ANO7: variants seen among roughly 807,000 people sequenced by gnomAD.
ANO7 encodes the protein anoctamin 7.
A neutral mutation model predicts 115.8 loss-of-function variants in ANO7; 114 were observed. That is an observed-to-expected ratio of 0.98 (90% CI 0.85 to 1.15). ANO7 has a LOEUF of 1.15. Ranked by LOEUF, ANO7 falls within the 50% of genes most tolerant of loss-of-function variation. The pLI, the probability that ANO7 is intolerant of heterozygous loss-of-function variation, is 0.00. For missense variants in ANO7, 1,302 were observed against 1,201.2 expected, an observed-to-expected ratio of 1.08 and a Z score of -1.24; for synonymous variants, 550 against 498.2, an observed-to-expected ratio of 1.10 and a Z score of -1.38.
intron 5 of ANO7, 143 bp from the exon 6 acceptor site, chr2:241,199,946 C>T: frequency 2.1e-6 from 2 of 956,980 alleles, no homozygotes; most frequent in Non-Finnish European, 3.0e-6. Context: ...CACCTGGGCC[C>T]TCACAGGGTC....
At chr2:241,233,081 C>G in the ANO7 span, among the ~76,000 whole-genome samples, 1 of 152,136 alleles carries the variant, frequency 6.6e-6, no homozygotes, top group African/African-American at 2.4e-5. The surrounding 1 kb of genome is among the most constrained non-coding windows in gnomAD (Gnocchi z 4.3). Context: ...AGGGGGTTTG[C>G]TGTTTCTGGA....
chr2:241,227,616 T>C (rs1019143419), downstream of ANO7: 3 of 152,668 alleles, frequency 2.0e-5, no homozygotes, highest in Admixed American at 2.0e-4. Flanking sequence ...GGCTCGCGTC[T>C]AAGACATCAA....
chr2:241,212,088 C>A lies in ANO7; in HGVS notation c.1562-6C>A. On this transcript the variant is annotated splice_region_variant and splice_polypyrimidine_tract_variant and intron_variant, in intron 15 of 24. Coordinates refer to ENST00000674324, the MANE Select transcript of ANO7 (RefSeq NM_001370694.2). ...AGGGACTGAGCCCAGGCTCTCCATGCCACAGAAATGCACCGCACCCAGACC... is the reference window on the plus strand; with the variant it reads ...AGGGACTGAGCCCAGGCTCTCCATGACACAGAAATGCACCGCACCCAGACC... 6.2e-7 allele frequency: 1 copy of A among 1,613,392 alleles called. No homozygotes were observed. Among genetic ancestry groups the A allele is most frequent in the Non-Finnish European group, 8.5e-7 (1 of 1,179,472 alleles).
chr2:241,212,588 G>A lies in ANO7; in HGVS notation c.1690G>A (p.Gly564Ser). Residue 564 changes from glycine to serine, a missense_variant, in exon 17 of 25, where the codon GGC becomes AGC. Coordinates refer to ENST00000674324, the MANE Select transcript of ANO7 (RefSeq NM_001370694.2). ...TTCTCCTAGGTTTGTGGGATACCCAGGCAACTACCACACCTTGTTTGGAGT... is the reference window on the plus strand; with the variant it reads ...TTCTCCTAGGTTTGTGGGATACCCAAGCAACTACCACACCTTGTTTGGAGT... ...FFKGRFVGYP[G>S]NYHTLFGVRN... 1 of 1,613,486 alleles carries A rather than the reference G, an allele frequency of 6.2e-7. No individual in the cohort carries two copies. The highest frequency in any genetic ancestry group is 8.5e-7 in the Non-Finnish European group (1 of 1,179,758).
intron 17 of ANO7, chr2:241,212,839 CA>C (rs1316475133): frequency 9.0e-6 from 5 of 556,576 alleles, no homozygotes; most frequent in Non-Finnish European, 1.6e-5. Context: ...AGAACCACAC[CA>C]AAACACTCCA....
intron 17 of ANO7, 116 bp from the exon 18 acceptor site, chr2:241,214,689 A>C: frequency 1.1e-6 from 1 of 871,616 alleles, no homozygotes; most frequent in Non-Finnish European, 1.8e-6. Context: ...CAGGTGCCCA[A>C]GGCATGTCAG....
chr2:241,203,255 C>CT lies in ANO7; in HGVS notation c.724-77dup. The CT allele has an allele frequency of 1.4e-5, 17 of 1,240,646 alleles. No individual in the cohort carries two copies. The South Asian group carries it at 2.0e-4, about 15-fold the overall frequency. The allele number at this position is 1,240,646 out of a possible 1,614,324, so 76.9% of individuals were successfully genotyped here. ...CAGGCCTGTCTGCCCATGTCCCACACTGAAGCCCCTGCACCTACAACAGTG... is the reference window on the plus strand; with the variant it reads ...CAGGCCTGTCTGCCCATGTCCCACACTTGAAGCCCCTGCACCTACAACAGTG... On this transcript the variant is annotated intron_variant, in intron 8 of 24. Coordinates refer to ENST00000674324, the MANE Select transcript of ANO7 (RefSeq NM_001370694.2). This position sits in a 1 kb window ranked among gnomAD's most constrained non-coding sequence, Gnocchi z 4.8.
the ANO7 span, chr2:241,235,216 T>C: frequency 1.9e-6 from 3 of 1,614,176 alleles, no homozygotes; most frequent in Non-Finnish European, 2.5e-6. Context: ...ATGGCGATGA[T>C]GTCAGACTGC....
At chr2:241,233,714 C>G in the ANO7 span, 1 of 1,267,802 alleles carries the variant, frequency 7.9e-7, no homozygotes, top group Admixed American at 1.9e-5. The surrounding 1 kb of genome is among the most constrained non-coding windows in gnomAD (Gnocchi z 4.3). Context: ...CCACTCTCAA[C>G]TTGGCCCTCG....
intron 1 of ANO7, among the ~76,000 whole-genome samples, chr2:241,189,566 G>A (rs924437799): frequency 1.5e-4 from 23 of 152,152 alleles, no homozygotes; most frequent in African/African-American, 3.1e-4. Flanking sequence ...CATCAGGCCC[G>A]CCTTGCTGGG....
the ANO7 span, chr2:241,236,424 G>A: frequency 1.6e-6 from 1 of 618,526 alleles, no homozygotes; most frequent in Non-Finnish European, 2.8e-6. Flanking sequence ...CCTTGGTGAA[G>A]GGAAGTGGCC....
the ANO7 span, chr2:241,239,475 C>G: frequency 1.4e-6 from 1 of 729,080 alleles, no homozygotes; most frequent in Non-Finnish European, 2.3e-6. This position sits in a 1 kb window ranked among gnomAD's most constrained non-coding sequence, Gnocchi z 4.6. Flanking sequence ...CAGAAAGCCC[C>G]TTCTGAAGCC....
chr2:241,228,856 A>G (rs1030901774), downstream of ANO7: 3 of 152,852 alleles, frequency 2.0e-5, no homozygotes, highest in African/African-American at 4.8e-5. Flanking sequence ...CACAGCAGAC[A>G]CTGTGACGGC....
intron 4 of ANO7, among the ~76,000 whole-genome samples, chr2:241,196,668 G>A (rs1001732525): frequency 3.3e-5 from 5 of 152,220 alleles, no homozygotes; most frequent in African/African-American, 7.2e-5. Flanking sequence ...TCATTCCTGC[G>A]GTGAGGCCCG....
At chr2:241,217,576 G>A in intron 19 of ANO7, 110 bp from the exon 20 acceptor site, 2 of 1,266,362 alleles carry the variant, frequency 1.6e-6, no homozygotes, top group Non-Finnish European at 2.2e-6. Context: ...GGAATGAGCC[G>A]CGATGGGGTG....
chr2:241,218,443 G>C (rs1399121557), intron 21 of ANO7, 62 bp downstream of exon 21: 3 of 1,243,766 alleles, frequency 2.4e-6, no homozygotes, highest in Non-Finnish European at 3.0e-6. Flanking sequence ...AGCGGGGCTC[G>C]GGTGGGGTGG....
the ANO7 span, among the ~76,000 whole-genome samples, chr2:241,232,448 A>G: frequency 1.4e-4 from 21 of 151,924 alleles, no homozygotes; most frequent in Admixed American, 3.3e-4. Flanking sequence ...GCTAATTTTC[A>G]TATTTTTAGT....
At chr2:241,202,332 C>T in intron 8 of ANO7, 28 bp downstream of exon 8, 2 of 1,602,274 alleles carry the variant, frequency 1.2e-6, no homozygotes, top group Non-Finnish European at 1.7e-6. Context: ...GGGCTCCAGC[C>T]TGGGTATGGG....
intron 21 of ANO7, among the ~76,000 whole-genome samples, chr2:241,219,590 C>G (rs1356017300): frequency 6.6e-6 from 1 of 151,558 alleles, no homozygotes. Context: ...TTTTTAGAGA[C>G]TGGGTCTTGC....
Sources: gnomAD v4.1 joint callset for allele counts (sites outside exome capture counted in the v4.1 genomes callset) on GRCh38, gnomAD v4.1.1 for gene constraint, Gnocchi (gnomAD v3.1) non-coding constraint, MANE v1.5 for transcripts, NCBI Gene and HGNC (gene_info 2026-07-23, HGNC 2026-07-21) for gene names.